The following ELL2 variants were observed in gnomAD, a reference collection of about 807,000 sequenced individuals.
ELL2 encodes the protein elongation factor for RNA polymerase II 2.
ELL2 carries 21 observed loss-of-function variants against 72.8 expected under a neutral mutation model. That is an observed-to-expected ratio of 0.29 (90% CI 0.20 to 0.42). ELL2 has a LOEUF of 0.42. ELL2 is among the 10% of genes least tolerant of loss of function. ELL2 has a pLI of 1.00. For synonymous variants in ELL2, 266 were observed against 283.2 expected (o/e 0.94, Z 0.61); for missense variants, 568 against 772.8 (o/e 0.73, Z 3.14).
chr5:95,959,421 T>C (rs1255670949), intron 1 of ELL2, among the ~76,000 whole-genome samples: 1 of 152,138 alleles, frequency 6.6e-6, no homozygotes, highest in African/African-American at 2.4e-5. Flanking sequence ...ACCTACCTTC[T>C]TCCCACTGCC....
intron 2 of ELL2, among the ~76,000 whole-genome samples, chr5:95,938,928 T>C (rs12055262): frequency 0.32 from 48,948 of 151,974 alleles, 9,215 homozygotes; most frequent in African/African-American, 0.53. Context: ...CTGGGGAAAT[T>C]ACTCCCTGGA....
At chr5:95,912,060 A>T (rs2112298923) in intron 4 of ELL2, among the ~76,000 whole-genome samples, 1 of 152,340 alleles carries the variant, frequency 6.6e-6, no homozygotes, top group Non-Finnish European at 1.5e-5. Context: ...TCCAAAATGT[A>T]TGTAAATTAT....
At chr5:95,904,623 A>G (rs3777195) in intron 5 of ELL2, among the ~76,000 whole-genome samples, 8,412 of 152,240 alleles carry the variant, frequency 0.055, 702 homozygotes, top group East Asian at 0.42. Flanking sequence ...AATTATCTCT[A>G]CTGGCACAGG....
Position 95,949,755 on chromosome 5 carries a change from C to CA in ELL2, c.148-6707dup, listed in dbSNP as rs568150834. On this transcript the variant is annotated intron_variant, in intron 1 of 11. Transcript: ENST00000237853. Reference sequence around the variant, plus strand: ...TATAATTTTGGAACTTTGCCCAAAACAAAAAAACTTTCTATAAGTGGTGAT... The same window carrying CA: ...TATAATTTTGGAACTTTGCCCAAAACAAAAAAAACTTTCTATAAGTGGTGAT... Among the ~76,000 whole-genome samples, 467 of 147,118 alleles carry CA rather than the reference C, an allele frequency of 3.2e-3. 3 individuals are homozygous for CA. Among genetic ancestry groups the CA allele is most frequent in the Non-Finnish European group, 4.7e-3 (314 of 66,678 alleles).
At chr5:95,945,970 C>T (rs1335098561) in intron 1 of ELL2, among the ~76,000 whole-genome samples, 1 of 152,202 alleles carries the variant, frequency 6.6e-6, no homozygotes, top group East Asian at 1.9e-4. Context: ...AAAAGTTTAT[C>T]ACTCTGAAAT....
intron 5 of ELL2, 64 bp from the exon 6 acceptor site, chr5:95,901,144 G>T: frequency 6.6e-7 from 1 of 1,507,582 alleles, no homozygotes; most frequent in East Asian, 2.3e-5. Flanking sequence ...CCTAAAACAG[G>T]CAACCTTTAG....
chr5:95,923,914 A>C (rs1750188468), intron 2 of ELL2, among the ~76,000 whole-genome samples: 1 of 152,264 alleles, frequency 6.6e-6, no homozygotes, highest in Non-Finnish European at 1.5e-5. Context: ...TAAGAATGAA[A>C]TGGGTATATA....
chr5:95,943,651 A>C (rs1282664181), intron 1 of ELL2, among the ~76,000 whole-genome samples: 2 of 152,238 alleles, frequency 1.3e-5, no homozygotes, highest in Non-Finnish European at 2.9e-5. Flanking sequence ...ATATTTGAGA[A>C]TAAACCTGTT....
At chr5:95,914,582 G>A (rs9314161) in intron 3 of ELL2, among the ~76,000 whole-genome samples, 8 of 152,054 alleles carry the variant, frequency 5.3e-5, no homozygotes, top group Admixed American at 6.6e-5. Context: ...GGCCAGGCAC[G>A]GTGGCTCATC....
chr5:95,891,803 T>C (rs10035477), intron 9 of ELL2, among the ~76,000 whole-genome samples: 39,743 of 152,160 alleles, frequency 0.26, 5,231 homozygotes, highest in South Asian at 0.36. Context: ...ACAAAGTGCC[T>C]CAGGCTTGCT....
At chr5:95,956,225 CA>C (rs1278338477) in intron 1 of ELL2, among the ~76,000 whole-genome samples, 3 of 152,126 alleles carry the variant, frequency 2.0e-5, no homozygotes, top group Admixed American at 1.3e-4. Flanking sequence ...TCTTTTTAGG[CA>C]ATCTGGCTAC....
chr5:95,894,756 T>A (rs1048874802), intron 9 of ELL2, among the ~76,000 whole-genome samples: 1 of 152,230 alleles, frequency 6.6e-6, no homozygotes, highest in Non-Finnish European at 1.5e-5. Flanking sequence ...GTAACACATT[T>A]TAAATCTAAA....
intron 1 of ELL2, among the ~76,000 whole-genome samples, chr5:95,952,236 A>G (rs959242582): frequency 1.3e-5 from 2 of 152,182 alleles, no homozygotes; most frequent in African/African-American, 2.4e-5. Flanking sequence ...TTGCATTTAT[A>G]AGTGAGAGCT....
chr5:95,929,712 C>T (rs1313394303), intron 2 of ELL2, among the ~76,000 whole-genome samples: 1 of 151,266 alleles, frequency 6.6e-6, no homozygotes, highest in African/African-American at 2.4e-5. Flanking sequence ...AAATAGATGA[C>T]TTAAGAATCT....
chr5:95,931,192 T>C (rs1320271909), intron 2 of ELL2, among the ~76,000 whole-genome samples: 4 of 151,892 alleles, frequency 2.6e-5, no homozygotes, highest in African/African-American at 7.3e-5. Flanking sequence ...GAATCTACCA[T>C]CTGTGTTACC....
chr5:95,926,546 T>C (rs1750287144), intron 2 of ELL2, among the ~76,000 whole-genome samples: 2 of 152,214 alleles, frequency 1.3e-5, no homozygotes, highest in Admixed American at 1.3e-4. Context: ...CCTTCCATTG[T>C]TCCTCTTTAG....
At chr5:95,926,176 GA>G (rs1291001197) in intron 2 of ELL2, among the ~76,000 whole-genome samples, 4,219 of 136,104 alleles carry the variant, frequency 0.031, 178 homozygotes, top group African/African-American at 0.1. Flanking sequence ...GTTGAGGGGA[GA>G]AAAAAAAAAA....
At chr5:95,900,623 T>C (rs1415414183) in intron 7 of ELL2, 70 bp downstream of exon 7, 10 of 1,127,534 alleles carry the variant, frequency 8.9e-6, no homozygotes, top group Non-Finnish European at 1.2e-5. Flanking sequence ...CCTTCACTTA[T>C]ACATCAGAGG....
chr5:95,897,696 C>T (rs1441549906), intron 8 of ELL2, among the ~76,000 whole-genome samples: 1 of 152,126 alleles, frequency 6.6e-6, no homozygotes, highest in African/African-American at 2.4e-5. Context: ...GAACGCTAGC[C>T]AACAGTCTTG....
Sources: allele counts gnomAD v4.1 joint callset (sites outside exome capture counted in the v4.1 genomes callset), GRCh38; gene constraint gnomAD v4.1.1; transcripts MANE v1.5; gene names NCBI Gene and HGNC (gene_info 2026-07-23, HGNC 2026-07-21).